The following PTPN14 variants were observed in gnomAD, a reference collection of about 807,000 sequenced individuals.
The protein encoded by PTPN14 is protein tyrosine phosphatase non-receptor type 14.
In PTPN14, 53 loss-of-function variants were observed where a neutral mutation model predicts 126.8. The observed-to-expected ratio is 0.42, with a 90% confidence interval of 0.34 to 0.53. PTPN14 has a LOEUF of 0.53. Among genes scored for constraint, PTPN14 ranks in the 20% least tolerant of loss-of-function variants. PTPN14 has a pLI of 0.08. For missense variants in PTPN14, 1,257 were observed against 1,552.9 expected, an observed-to-expected ratio of 0.81 and a Z score of 3.20; for synonymous variants, 630 against 599.3, an observed-to-expected ratio of 1.05 and a Z score of -0.75.
At chr1:214,414,847 G>A (rs1171519483) in intron 3 of PTPN14, 121 bp from the exon 4 acceptor site, 2 of 736,782 alleles carry the variant, frequency 2.7e-6, no homozygotes, top group Admixed American at 4.4e-5. Flanking sequence ...CTGTGATGCT[G>A]ATAAAGGTCA....
intron 1 of PTPN14, among the ~76,000 whole-genome samples, chr1:214,546,869 G>T (rs1436903632): frequency 6.6e-6 from 1 of 152,094 alleles, no homozygotes; most frequent in African/African-American, 2.4e-5. Context: ...TCTAAGAATG[G>T]CTATGAAATG....
chr1:214,364,635 G>A lies in PTPN14; in HGVS notation c.3312C>T (p.Asn1104=), dbSNP rs73074015. Residue 1104 remains asparagine (N), a synonymous_variant, in exon 18 of 19, where the codon AAC becomes AAT. Coordinates refer to ENST00000366956, the MANE Select transcript of PTPN14 (RefSeq NM_005401.5). The surrounding 1 kb of genome is among the most constrained non-coding windows in gnomAD (Gnocchi z 4.1). ...GGTTCTTGGTGCCTTCCAGCATGCTGTTGGTATGGCGACGGACCGACTGGA... is the reference window on the plus strand; with the variant it reads ...GGTTCTTGGTGCCTTCCAGCATGCTATTGGTATGGCGACGGACCGACTGGA... ...EEIQSVRRHT[N]SMLEGTKNRH... is the part of the protein sequence containing the mutation. 9.9e-4 allele frequency: 1,605 copies of A among 1,614,104 alleles called. 20 individuals carry two copies. The African/African-American group carries it at 0.018, about 18-fold the overall frequency.
intron 1 of PTPN14, among the ~76,000 whole-genome samples, chr1:214,536,904 A>T (rs76817056): frequency 0.036 from 5,527 of 152,188 alleles, 346 homozygotes; most frequent in East Asian, 0.26. Context: ...ACATCAAAAA[A>T]TTTTTAAATA....
intron 1 of PTPN14, among the ~76,000 whole-genome samples, chr1:214,545,955 A>G (rs1439533302): frequency 6.6e-6 from 1 of 152,184 alleles, no homozygotes; most frequent in Non-Finnish European, 1.5e-5. Flanking sequence ...AGATCCAGCA[A>G]CATGGAAACA....
At chr1:214,505,627 G>A (rs958536070) in intron 1 of PTPN14, among the ~76,000 whole-genome samples, 15 of 152,216 alleles carry the variant, frequency 9.9e-5, no homozygotes, top group African/African-American at 2.7e-4. Context: ...TGGGTGCAGT[G>A]TCTCACGCCT....
chr1:214,385,132 T>A (rs1658578209), intron 12 of PTPN14, among the ~76,000 whole-genome samples: 1 of 152,184 alleles, frequency 6.6e-6, no homozygotes, highest in African/African-American at 2.4e-5. Flanking sequence ...TGTCCTCTTG[T>A]GCAGGGCTCG....
At chr1:214,510,307 CG>C (rs745622921) in intron 1 of PTPN14, among the ~76,000 whole-genome samples, 37 of 152,138 alleles carry the variant, frequency 2.4e-4, no homozygotes, top group Non-Finnish European at 5.1e-4. Context: ...ATAATGAAAG[CG>C]TCTGACATAT....
intron 3 of PTPN14, among the ~76,000 whole-genome samples, chr1:214,446,205 G>C (rs1014555993): frequency 1.3e-5 from 2 of 152,144 alleles, no homozygotes; most frequent in East Asian, 3.8e-4. Flanking sequence ...CTGTCTACCA[G>C]AGTGTGTCCT....
At chr1:214,475,476 T>G (rs991661623) in intron 1 of PTPN14, among the ~76,000 whole-genome samples, 4 of 152,224 alleles carry the variant, frequency 2.6e-5, no homozygotes, top group Non-Finnish European at 5.9e-5. Context: ...TGACTCTGGT[T>G]TACTCTCAAA....
chr1:214,447,332 G>C (rs1308443019), intron 3 of PTPN14, among the ~76,000 whole-genome samples: 1 of 152,026 alleles, frequency 6.6e-6, no homozygotes, highest in East Asian at 1.9e-4. Context: ...AAGGACTGTA[G>C]CATTTTTCAC....
intron 3 of PTPN14, among the ~76,000 whole-genome samples, chr1:214,433,291 T>C (rs1659834854): frequency 8.2e-6 from 1 of 121,274 alleles, no homozygotes; most frequent in Admixed American, 8.1e-5. Context: ...ACAATTTGAC[T>C]CCAAGTATGG....
At chr1:214,500,995 C>T (rs1654675859) in intron 1 of PTPN14, among the ~76,000 whole-genome samples, 1 of 152,104 alleles carries the variant, frequency 6.6e-6, no homozygotes, top group Admixed American at 6.5e-5. Context: ...ATTCACCATG[C>T]CCAAGAGCAG....
intron 5 of PTPN14, among the ~76,000 whole-genome samples, chr1:214,405,324 C>T (rs1230371443): frequency 6.6e-6 from 1 of 152,146 alleles, no homozygotes; most frequent in Non-Finnish European, 1.5e-5. Context: ...TATGTGTATA[C>T]TCGTCTTATC....
chr1:214,427,984 C>G (rs61819573), intron 3 of PTPN14, among the ~76,000 whole-genome samples: 5,060 of 152,208 alleles, frequency 0.033, 117 homozygotes, highest in South Asian at 0.067. Context: ...TGGTACAAAC[C>G]ACAAAAGGCC....
intron 2 of PTPN14, among the ~76,000 whole-genome samples, chr1:214,460,099 C>T (rs868050622): frequency 6.6e-6 from 1 of 152,140 alleles, no homozygotes; most frequent in Non-Finnish European, 1.5e-5. Flanking sequence ...AACTTACCAG[C>T]CCAGTGACTG....
intron 3 of PTPN14, among the ~76,000 whole-genome samples, chr1:214,434,559 T>C (rs1313607668): frequency 6.6e-6 from 1 of 151,956 alleles, no homozygotes; most frequent in East Asian, 1.9e-4. Context: ...AGATATTAAA[T>C]AGTAATTAGG....
chr1:214,361,101 T>C (rs1657945336), intron 18 of PTPN14, among the ~76,000 whole-genome samples: 1 of 152,214 alleles, frequency 6.6e-6, no homozygotes, highest in Admixed American at 6.5e-5. Flanking sequence ...ATGAGTCAAC[T>C]AAACCTCTTT....
At chr1:214,367,166 T>G (rs1005279903) in intron 17 of PTPN14, among the ~76,000 whole-genome samples, 2 of 152,148 alleles carry the variant, frequency 1.3e-5, no homozygotes, top group Non-Finnish European at 2.9e-5. Flanking sequence ...TGGAGAAAAT[T>G]TTAATAAGTC....
At chr1:214,386,733 G>T in intron 12 of PTPN14, 111 bp downstream of exon 12, 1 of 1,146,054 alleles carries the variant, frequency 8.7e-7, no homozygotes, top group South Asian at 1.5e-5. Flanking sequence ...TTCAGACGAT[G>T]ACAAAGTTGA....
Sources: allele counts gnomAD v4.1 joint callset (sites outside exome capture counted in the v4.1 genomes callset), GRCh38; gene constraint gnomAD v4.1.1; non-coding constraint Gnocchi (gnomAD v3.1); transcripts MANE v1.5; gene names NCBI Gene and HGNC (gene_info 2026-07-23, HGNC 2026-07-21).